PAX7: variants seen among roughly 807,000 people sequenced by gnomAD.
PAX7 encodes paired box 7.
In PAX7, 18 loss-of-function variants were observed where a neutral mutation model predicts 50.7. The ratio of observed to expected loss-of-function variants is 0.36; its 90% CI spans 0.25 to 0.53. PAX7 has a LOEUF of 0.53. PAX7 is among the 20% of genes least tolerant of loss of function. The pLI is 0.93. For missense variants in PAX7, 644 were observed against 702.9 expected (o/e 0.92, Z 0.95); for synonymous variants, 310 against 290.4 (o/e 1.07, Z -0.69).
chr1:18,645,889 T>C (rs1379835328), intron 4 of PAX7, among the ~76,000 whole-genome samples: 1 of 152,202 alleles, frequency 6.6e-6, no homozygotes, highest in Non-Finnish European at 1.5e-5. Flanking sequence ...ACCACAGCCC[T>C]AACTCAGGAA....
chr1:18,684,761 A>AC, intron 4 of PAX7, among the ~76,000 whole-genome samples: 1 of 152,110 alleles, frequency 6.6e-6, no homozygotes, highest in Non-Finnish European at 1.5e-5. Context: ...GCAGCTCAAC[A>AC]CCGGGGCCTA....
chr1:18,743,906 A>G (rs959699385), intron 8 of PAX7, among the ~76,000 whole-genome samples: 3 of 152,204 alleles, frequency 2.0e-5, no homozygotes, highest in African/African-American at 7.2e-5. Context: ...GTGTGTGTGC[A>G]AATGTTGCTC....
chr1:18,667,391 AAAGGAAGGAAGGAAGGAAGGAAGG>A (rs3080496), intron 4 of PAX7, among the ~76,000 whole-genome samples: 14 of 113,450 alleles, frequency 1.2e-4, no homozygotes, highest in South Asian at 3.7e-4. Flanking sequence ...AAGGAAGGAG[AAAGGAAGGAAGGAAGGAAGGAAGG>A]AAGGAAGGAA....
chr1:18,680,841 G>A (rs1325781227), intron 4 of PAX7, among the ~76,000 whole-genome samples: 2 of 152,154 alleles, frequency 1.3e-5, no homozygotes, highest in Non-Finnish European at 2.9e-5. Context: ...TTTCAAGATG[G>A]ACTTAAAGTC....
intron 3 of PAX7, among the ~76,000 whole-genome samples, chr1:18,635,606 T>A (rs951371082): frequency 1.3e-5 from 2 of 151,682 alleles, no homozygotes; most frequent in African/African-American, 4.8e-5. Context: ...GAAAGCTGGA[T>A]GATAAGAGAG....
At chr1:18,672,742 A>T (rs1260987077) in intron 4 of PAX7, among the ~76,000 whole-genome samples, 2 of 151,668 alleles carry the variant, frequency 1.3e-5, no homozygotes, top group East Asian at 3.9e-4. Flanking sequence ...AGTAGCTGGG[A>T]TTATAAGCAT....
intron 4 of PAX7, among the ~76,000 whole-genome samples, chr1:18,665,743 C>T (rs1011080858): frequency 8.4e-5 from 12 of 142,990 alleles, no homozygotes; most frequent in African/African-American, 2.7e-4. Context: ...AATCTTGGTT[C>T]ACTGCATACT....
chr1:18,725,571 C>A (rs999630732), intron 7 of PAX7, among the ~76,000 whole-genome samples: 1 of 152,208 alleles, frequency 6.6e-6, no homozygotes, highest in Non-Finnish European at 1.5e-5. Flanking sequence ...GAGATGGGAT[C>A]TTTCATGCTT....
chr1:18,665,916 C>A (rs1049887652), intron 4 of PAX7, among the ~76,000 whole-genome samples: 1 of 152,100 alleles, frequency 6.6e-6, no homozygotes, highest in South Asian at 2.1e-4. Context: ...TGGTGATCCG[C>A]CTGCTTCAGC....
At chr1:18,635,805 TGTG>T (rs886803870) in intron 3 of PAX7, among the ~76,000 whole-genome samples, 1 of 149,726 alleles carries the variant, frequency 6.7e-6, no homozygotes, top group Non-Finnish European at 1.5e-5. Flanking sequence ...AGTGATCTGT[TGTG>T]TGTGTGTGTG....
In PAX7 at chr1:18,642,620, G is replaced by A. The variant is rs112269954; in HGVS notation, c.586+6249G>A. On this transcript the variant is annotated intron_variant, in intron 4 of 8. Transcript: ENST00000420770. ...ATGCCCCCCTCAGTTTTTGCTGTCC[G>A]GGGCCTTCCCTCTTCTTTTCCCCTT... Among the ~76,000 whole-genome samples the A allele has an allele frequency of 1.6e-3, 246 of 152,256 alleles. 1 individual carries two copies. Among genetic ancestry groups the A allele is most frequent in the African/African-American group, 5.7e-3 (237 of 41,554 alleles).
intron 7 of PAX7, among the ~76,000 whole-genome samples, chr1:18,734,770 C>T (rs2100403849): frequency 6.6e-6 from 1 of 152,322 alleles, no homozygotes; most frequent in East Asian, 1.9e-4. Flanking sequence ...GGGCAGGGAC[C>T]ATGGCTCTTT....
chr1:18,716,239 G>C (rs1281142835), intron 7 of PAX7, among the ~76,000 whole-genome samples: 1 of 152,220 alleles, frequency 6.6e-6, no homozygotes, highest in Non-Finnish European at 1.5e-5. Flanking sequence ...ATTGTTGGAG[G>C]CCTTTGGAAG....
chr1:18,733,821 C>T (rs1391970536), intron 7 of PAX7, among the ~76,000 whole-genome samples: 1 of 152,186 alleles, frequency 6.6e-6, no homozygotes, highest in Non-Finnish European at 1.5e-5. Context: ...TGACATTTTG[C>T]AGGTGAGCCA....
At chr1:18,740,169 A>G (rs1163013059) in intron 8 of PAX7, among the ~76,000 whole-genome samples, 1 of 152,188 alleles carries the variant, frequency 6.6e-6, no homozygotes, top group African/African-American at 2.4e-5. Context: ...GGAGGCCATA[A>G]TAAGAGATGT....
chr1:18,735,043 A>C lies in PAX7; in HGVS notation c.1156-589A>C, dbSNP rs2089692954. 6.6e-6 allele frequency among the ~76,000 whole-genome samples: 1 copy of C among 152,218 alleles called. No individual in the cohort carries two copies. The highest frequency in any genetic ancestry group is 1.5e-5 in the Non-Finnish European group (1 of 68,032). On this transcript the variant is annotated intron_variant, in intron 7 of 8. Transcript: ENST00000420770. This position sits in a 1 kb window ranked among gnomAD's most constrained non-coding sequence, Gnocchi z 4.0. ...CTCAGGAGCTGGTAGAATCAAAGGA[A>C]GGGGCCTGAGAGGCTCTTTGAAAGC...
In PAX7 at chr1:18,726,381, T is replaced by A. The variant is rs2089572031; in HGVS notation, c.1156-9251T>A. On this transcript the variant is annotated intron_variant, in intron 7 of 8. Transcript: ENST00000420770. This position sits in a 1 kb window ranked among gnomAD's most constrained non-coding sequence, Gnocchi z 4.8. ...CTCCAACCAACTCTGTGCTAGATCCTGTGCTCAGGATAAAAAGATAAATTC... is the reference window on the plus strand; with the variant it reads ...CTCCAACCAACTCTGTGCTAGATCCAGTGCTCAGGATAAAAAGATAAATTC... Among the ~76,000 whole-genome samples, 2 of 152,246 alleles carry A rather than the reference T, an allele frequency of 1.3e-5. No homozygotes were observed. The highest frequency in any genetic ancestry group is 1.5e-5 in the Non-Finnish European group (1 of 68,048).
intron 4 of PAX7, among the ~76,000 whole-genome samples, chr1:18,646,523 G>GGC (rs1309061537): frequency 6.6e-6 from 1 of 152,114 alleles, no homozygotes; most frequent in African/African-American, 2.4e-5. Context: ...AAGCGGTTTG[G>GGC]AAACTGGTCA....
Position 18,736,397 on chromosome 1 carries a change from G to A in PAX7, c.1402+519G>A, listed in dbSNP as rs184152951. Among the ~76,000 whole-genome samples, 326 of 151,360 alleles carry A rather than the reference G, an allele frequency of 2.2e-3. 2 individuals carry two copies. Among genetic ancestry groups the A allele is most frequent in the African/African-American group, 7.5e-3 (309 of 41,240 alleles). On this transcript the variant is annotated intron_variant, in intron 8 of 8. Coordinates refer to ENST00000420770, the MANE Select transcript of PAX7 (RefSeq NM_001135254.2). ...CAAGAATCACTTGAACCCGGGAAGC[G>A]GAGGTTGCAGTGAGCCGAGATCACG... is the stretch of plus-strand genomic sequence containing the variant.
Sources: allele counts gnomAD v4.1 joint callset (sites outside exome capture counted in the v4.1 genomes callset), GRCh38; gene constraint gnomAD v4.1.1; non-coding constraint Gnocchi (gnomAD v3.1); transcripts MANE v1.5; gene names NCBI Gene and HGNC (gene_info 2026-07-23, HGNC 2026-07-21).